TCF20: variants seen among roughly 807,000 people sequenced by gnomAD.
The protein encoded by TCF20 is SPRE-binding protein.
A neutral mutation model predicts 148.6 loss-of-function variants in TCF20; 3 were observed. That is an observed-to-expected ratio of 0.02 (90% confidence interval 0.01 to 0.05). The LOEUF (loss-of-function observed/expected upper bound fraction) is 0.05. Ranked by LOEUF, TCF20 falls within the 10% of genes least tolerant of loss-of-function variation. The pLI is 1.00. For synonymous variants in TCF20, 1,049 were observed against 909.5 expected, an observed-to-expected ratio of 1.15 and a Z score of -2.76; for missense variants, 2,350 against 2,429.3, an observed-to-expected ratio of 0.97 and a Z score of 0.69.
intron 1 of TCF20, among the ~76,000 whole-genome samples, chr22:42,310,886 G>C (rs1297433609): frequency 6.6e-6 from 1 of 152,232 alleles, no homozygotes; most frequent in Non-Finnish European, 1.5e-5. Flanking sequence ...TTTCTCCCCA[G>C]CAGAGCAGCG....
intron 2 of TCF20, among the ~76,000 whole-genome samples, chr22:42,200,496 G>C (rs367824080): frequency 1.3e-4 from 20 of 152,088 alleles, no homozygotes; most frequent in East Asian, 7.7e-4. Context: ...ACAAAAATTA[G>C]TCGGCATGGT....
upstream of TCF20, among the ~76,000 whole-genome samples, chr22:42,285,032 T>C (rs539143174): frequency 4.9e-4 from 74 of 152,336 alleles, no homozygotes; most frequent in African/African-American, 1.8e-3. The surrounding 1 kb of genome is among the most constrained non-coding windows in gnomAD (Gnocchi z 4.2). Context: ...CCCTGTCCAG[T>C]GTTCCAGCCT....
At chr22:42,180,354 T>C (rs552547769) in intron 2 of TCF20, among the ~76,000 whole-genome samples, 2 of 152,298 alleles carry the variant, frequency 1.3e-5, no homozygotes, top group South Asian at 4.1e-4. Context: ...AAGTGAGACA[T>C]TATTTTGTAA....
chr22:42,224,771 A>G (rs1467551444), intron 1 of TCF20, among the ~76,000 whole-genome samples: 1 of 152,094 alleles, frequency 6.6e-6, no homozygotes, highest in African/African-American at 2.4e-5. Context: ...CAAAGACTCT[A>G]GCACCATAGA....
chr22:42,264,664 T>C lies in TCF20; in HGVS notation c.-37+5675A>G, dbSNP rs998641794. Among the ~76,000 whole-genome samples, 5 of 152,238 alleles carry C rather than the reference T, an allele frequency of 3.3e-5. No homozygotes were observed. The South Asian group carries it at 6.2e-4, about 19-fold the overall frequency. On this transcript the variant is annotated intron_variant, in intron 1 of 5. Transcript: ENST00000677622. ...AGAAAAGGCTTCAGAACAGGGATTA[T>C]CTTTGTGACCACTCTAAAGTAACAT... is the stretch of plus-strand genomic sequence containing the variant.
In TCF20 at chr22:42,213,679, T is replaced by C; in HGVS notation, c.1627A>G (p.Ser543Gly). 7.4e-6 allele frequency: 12 copies of C among 1,614,066 alleles called. No homozygotes were observed. The highest frequency in any genetic ancestry group is 9.3e-6 in the Non-Finnish European group (11 of 1,179,952). The change falls in exon 2 of 6, where the codon AGC becomes GGC. Residue 543 changes from serine (S) to glycine (G), a missense_variant. By Grantham distance (56) the Ser-to-Gly change is moderately conservative. Transcript: ENST00000677622. The stretch of plus-strand genomic sequence containing the variant: ...CCACCCTTGTAGGTGGTGTCAGAGC[T>C]GGTGCTCTGGCCACTTAGTTGCCGC... ...RVRQLSGQST[S>G]SDTTYKGGAS...
intron 1 of TCF20, among the ~76,000 whole-genome samples, chr22:42,261,760 G>A (rs756224972): frequency 5.3e-5 from 8 of 152,176 alleles, no homozygotes; most frequent in South Asian, 2.1e-4. Flanking sequence ...TTGGGAGGCC[G>A]AGGTGGGCAG....
At chr22:42,236,827 G>A (rs5758666) in intron 1 of TCF20, among the ~76,000 whole-genome samples, 44,010 of 152,036 alleles carry the variant, frequency 0.29, 6,706 homozygotes, top group East Asian at 0.37. Context: ...ATATGTGTAC[G>A]CTATACTTCA....
chr22:42,268,075 G>A lies in TCF20; in HGVS notation c.-37+2264C>T, dbSNP rs369998557. Among the ~76,000 whole-genome samples the A allele has an allele frequency of 2.2e-4, 33 of 152,224 alleles. 1 individual carries two copies. The highest frequency in any genetic ancestry group is 1.4e-3 in the Admixed American group (21 of 15,298). On this transcript the variant is annotated intron_variant, in intron 1 of 5. Coordinates refer to ENST00000677622, the MANE Select transcript of TCF20 (RefSeq NM_001378418.1). ...GCAGGAGAATCACCTGAAACTGGGAGGTAGAGGCTGCAGTGAGCTGAGATC... is the reference window on the plus strand; with the variant it reads ...GCAGGAGAATCACCTGAAACTGGGAAGTAGAGGCTGCAGTGAGCTGAGATC...
intron 1 of TCF20, among the ~76,000 whole-genome samples, chr22:42,314,342 C>T (rs1045573379): frequency 6.6e-6 from 1 of 152,258 alleles, no homozygotes; most frequent in African/African-American, 2.4e-5. Context: ...CTGCCGCTGC[C>T]GGGGGACAGG....
intron 1 of TCF20, among the ~76,000 whole-genome samples, chr22:42,318,742 C>G (rs1032621113): frequency 3.2e-4 from 49 of 152,232 alleles, no homozygotes; most frequent in African/African-American, 1.1e-3. Flanking sequence ...GCACTGCTGT[C>G]TCAGCTGCCA....
intron 2 of TCF20, among the ~76,000 whole-genome samples, chr22:42,193,208 AAT>A (rs1010979531): frequency 1.3e-5 from 2 of 152,054 alleles, no homozygotes; most frequent in African/African-American, 4.8e-5. Context: ...CCATGAAGAA[AAT>A]AGAGATCTGG....
chr22:42,307,325 C>T (rs1025588211), intron 1 of TCF20, among the ~76,000 whole-genome samples: 5 of 152,360 alleles, frequency 3.3e-5, no homozygotes, highest in African/African-American at 9.6e-5. Context: ...CCTTCATTCC[C>T]TGCCTTCCAT....
rs190629800 is a variant in TCF20 at position 42,292,127 on chromosome 22, C to G, written c.-37+51352G>C. ...CACTCCCATTTCTTAGATAAAGAAA[C>G]TTAGCACAGCACCCATAGGCCCTCC... On this transcript the variant is annotated intron_variant, in intron 1 of 1. Coordinates refer to the TCF20 transcript ENST00000515426. The surrounding 1 kb of genome is among the most constrained non-coding windows in gnomAD (Gnocchi z 4.9). 1.3e-5 allele frequency among the ~76,000 whole-genome samples: 2 copies of G among 152,300 alleles called. No individual in the cohort carries two copies. The highest frequency in any genetic ancestry group is 2.9e-5 in the Non-Finnish European group (2 of 68,026).
intron 3 of TCF20, among the ~76,000 whole-genome samples, chr22:42,172,047 G>A (rs554159625): frequency 9.2e-5 from 14 of 152,326 alleles, no homozygotes; most frequent in South Asian, 6.2e-4. Flanking sequence ...GCACGCTAAC[G>A]ACAACTTGAA....
At position 42,210,502 on chromosome 22, in the gene TCF20, C is replaced by A; in HGVS notation, c.4804G>T (p.Val1602Phe). The change falls in exon 2 of 6, where the codon GTT (valine) becomes TTT (phenylalanine). Residue 1602 changes from valine (V) to phenylalanine (F), a missense_variant. Physicochemically the swap from Val to Phe is conservative, Grantham distance 50. Transcript: ENST00000677622. The surrounding 1 kb of genome is among the most constrained non-coding windows in gnomAD (Gnocchi z 4.7). ...QPRKRKTKQA[V>F]PIVEPQEPEI... is the part of the protein sequence containing the mutation. The stretch of plus-strand genomic sequence containing the variant: ...GGTTCTTGGGGTTCCACAATGGGAA[C>A]TGCTTGTTTGGTTTTTCGCTTCCTC... The A allele has an allele frequency of 6.2e-7, 1 of 1,614,204 alleles. No homozygotes were observed. Among genetic ancestry groups the A allele is most frequent in the Admixed American group, 1.7e-5 (1 of 60,026 alleles).
intron 1 of TCF20, among the ~76,000 whole-genome samples, chr22:42,256,353 ATTTTCTT>A (rs1211442441): frequency 1.3e-5 from 2 of 151,780 alleles, no homozygotes; most frequent in African/African-American, 2.4e-5. Flanking sequence ...CTGAACAGAA[ATTTTCTT>A]TTTTCTTTTA....
chr22:42,226,619 C>T (rs957208214), intron 1 of TCF20, among the ~76,000 whole-genome samples: 8 of 152,128 alleles, frequency 5.3e-5, no homozygotes, highest in African/African-American at 1.9e-4. Flanking sequence ...GCAGGAGAAT[C>T]GCTTGAACAC....
chr22:42,275,478 T>C (rs1393232214), upstream of TCF20, among the ~76,000 whole-genome samples: 1 of 152,200 alleles, frequency 6.6e-6, no homozygotes, highest in Admixed American at 6.5e-5. Context: ...GGCTGGACTC[T>C]CATCGGGCCA....
Sources: allele counts gnomAD v4.1 joint callset (sites outside exome capture counted in the v4.1 genomes callset), GRCh38; gene constraint gnomAD v4.1.1; non-coding constraint Gnocchi (gnomAD v3.1); transcripts MANE v1.5; gene names NCBI Gene and HGNC (gene_info 2026-07-23, HGNC 2026-07-21).